The following LRMDA variants were observed in gnomAD, a reference collection of about 807,000 sequenced individuals.
LRMDA encodes the protein leucine-rich melanocyte differentiation-associated protein.
In LRMDA, 18 loss-of-function variants were observed where a neutral mutation model predicts 29.8. The observed-to-expected ratio is 0.60, with a 90% confidence interval of 0.42 to 0.90. The LOEUF is 0.90. LRMDA is among the 40% of genes least tolerant of loss of function. LRMDA has a pLI of 0.00. For missense variants in LRMDA, 273 were observed against 273.9 expected, an observed-to-expected ratio of 1.00 and a Z score of 0.02; for synonymous variants, 125 against 109.4, an observed-to-expected ratio of 1.14 and a Z score of -0.89.
chr10:75,526,689 TA>T (rs1191902809), intron 2 of LRMDA, among the ~76,000 whole-genome samples: 1 of 150,998 alleles, frequency 6.6e-6, no homozygotes, highest in Non-Finnish European at 1.5e-5. Flanking sequence ...TCCATTTCTC[TA>T]AAAAAAAATT....
At chr10:75,884,245 TTGTGTGTGTGTGTGTGTGTG>T (rs57507869) in intron 2 of LRMDA, among the ~76,000 whole-genome samples, 1 of 109,508 alleles carries the variant, frequency 9.1e-6, no homozygotes, top group Non-Finnish European at 1.9e-5. Flanking sequence ...GCAGGCGACT[TTGTGTGTGTGTGTGTGTGTG>T]TGTGTGTGTG....
At chr10:75,818,575 C>T (rs1844099893) in intron 2 of LRMDA, among the ~76,000 whole-genome samples, 1 of 152,198 alleles carries the variant, frequency 6.6e-6, no homozygotes, top group South Asian at 2.1e-4. Context: ...GCCTTCTTCT[C>T]CAGAGGTGCC....
At chr10:76,013,720 C>T (rs1332575183) in intron 2 of LRMDA, among the ~76,000 whole-genome samples, 1 of 151,976 alleles carries the variant, frequency 6.6e-6, no homozygotes, top group African/African-American at 2.4e-5. Context: ...GCCACACCAC[C>T]CATCTTAGAA....
intron 2 of LRMDA, among the ~76,000 whole-genome samples, chr10:75,935,036 C>T (rs1846264895): frequency 6.6e-6 from 1 of 152,082 alleles, no homozygotes; most frequent in African/African-American, 2.4e-5. Flanking sequence ...TCCAGCTTCT[C>T]TCTTGGTTTG....
Position 76,531,845 on chromosome 10 carries a change from T to C in LRMDA, c.602-25364T>C, listed in dbSNP as rs111662529. ...CTTCAATTTTCTGGAAAAGTGTGTG[T>C]AGAATTGCTATCATTCTTTATTAAG... On this transcript the variant is annotated intron_variant, in intron 6 of 6. Coordinates refer to ENST00000611255, the MANE Select transcript of LRMDA (RefSeq NM_001305581.2). 2.4e-3 allele frequency among the ~76,000 whole-genome samples: 370 copies of C among 152,324 alleles called. 2 individuals are homozygous for C. Among genetic ancestry groups the C allele is most frequent in the Non-Finnish European group, 4.2e-3 (286 of 68,028 alleles).
chr10:76,053,203 T>TGTACTTTA (rs1848558410), intron 4 of LRMDA, among the ~76,000 whole-genome samples: 1 of 152,190 alleles, frequency 6.6e-6, no homozygotes, highest in African/African-American at 2.4e-5. Flanking sequence ...GCCCTTTTGT[T>TGTACTTTA]GTACTTTACC....
chr10:75,544,175 A>G (rs12246368), intron 2 of LRMDA, among the ~76,000 whole-genome samples: 2,115 of 152,278 alleles, frequency 0.014, 38 homozygotes, highest in African/African-American at 0.043. Context: ...TGGTGAACCT[A>G]CGAGAAAAGA....
At chr10:76,458,075 G>A (rs577311614) in intron 6 of LRMDA, among the ~76,000 whole-genome samples, 10 of 148,316 alleles carry the variant, frequency 6.7e-5, no homozygotes, top group Non-Finnish European at 1.3e-4. Flanking sequence ...CATTTTTTAG[G>A]CCATTTCACT....
At chr10:75,795,788 C>A (rs1429456072) in intron 2 of LRMDA, among the ~76,000 whole-genome samples, 3 of 152,068 alleles carry the variant, frequency 2.0e-5, no homozygotes, top group South Asian at 2.1e-4. Context: ...ATTAAAAAAG[C>A]CTGTGGGGTT....
chr10:75,924,433 A>G (rs549519422), intron 2 of LRMDA, among the ~76,000 whole-genome samples: 7 of 152,336 alleles, frequency 4.6e-5, no homozygotes, highest in South Asian at 4.1e-4. Flanking sequence ...AAGTGCTTTT[A>G]AAGTTAAAAC....
chr10:76,340,193 T>C (rs373255919), intron 6 of LRMDA, among the ~76,000 whole-genome samples: 41 of 152,150 alleles, frequency 2.7e-4, no homozygotes, highest in African/African-American at 9.6e-4. Context: ...AAAATGGGAT[T>C]ATATATAAGG....
intron 2 of LRMDA, among the ~76,000 whole-genome samples, chr10:75,672,727 T>G (rs377032473): frequency 1.3e-5 from 2 of 149,612 alleles, no homozygotes; most frequent in East Asian, 2.0e-4. Flanking sequence ...TACAGGCAGG[T>G]GCCACAGCTA....
chr10:75,675,038 G>A (rs1841943379), intron 2 of LRMDA, among the ~76,000 whole-genome samples: 1 of 152,198 alleles, frequency 6.6e-6, no homozygotes, highest in Non-Finnish European at 1.5e-5. Context: ...TGGTTGGGTT[G>A]CAGGTCTGTG....
intron 2 of LRMDA, among the ~76,000 whole-genome samples, chr10:75,746,350 C>T (rs558756619): frequency 2.0e-5 from 3 of 152,322 alleles, no homozygotes; most frequent in Non-Finnish European, 2.9e-5. Flanking sequence ...GTTCACTGCA[C>T]TTAAGGGGTA....
At chr10:76,084,666 G>A (rs1471934573) in intron 5 of LRMDA, among the ~76,000 whole-genome samples, 1 of 152,092 alleles carries the variant, frequency 6.6e-6, no homozygotes, top group Non-Finnish European at 1.5e-5. Context: ...TATGTTGAAG[G>A]TTAAAAATGA....
At chr10:75,750,209 C>A (rs928915809) in intron 2 of LRMDA, among the ~76,000 whole-genome samples, 1 of 149,710 alleles carries the variant, frequency 6.7e-6, no homozygotes, top group Admixed American at 6.6e-5. Flanking sequence ...GGTGGTCGGG[C>A]AGAGGCGCCC....
intron 6 of LRMDA, among the ~76,000 whole-genome samples, chr10:76,544,452 A>G (rs899965995): frequency 5.3e-5 from 8 of 152,126 alleles, no homozygotes; most frequent in African/African-American, 1.9e-4. Flanking sequence ...GGGGCATTCT[A>G]TTGATAGGCA....
rs367745299 is a variant in LRMDA at position 76,271,264 on chromosome 10, T to C, written c.517-53137T>C. ...TTCTACAAAAAGTACAAAAATTAGC[T>C]GGGTGTGGTGGCATGCACCTGTAAT... On this transcript the variant is annotated intron_variant, in intron 5 of 6. Transcript: ENST00000611255. Among the ~76,000 whole-genome samples, 83 of 152,156 alleles carry C rather than the reference T, an allele frequency of 5.5e-4. No homozygotes were observed. In the South Asian group the frequency reaches 0.016, roughly 30 times the overall value.
chr10:75,888,571 TAAG>T (rs1215495049), intron 2 of LRMDA, among the ~76,000 whole-genome samples: 1 of 152,192 alleles, frequency 6.6e-6, no homozygotes, highest in East Asian at 1.9e-4. Context: ...TTAGCTTCTG[TAAG>T]AAGAAGGAGA....
Sources: gnomAD v4.1 joint callset for allele counts (sites outside exome capture counted in the v4.1 genomes callset) on GRCh38, gnomAD v4.1.1 for gene constraint, MANE v1.5 for transcripts, NCBI Gene and HGNC (gene_info 2026-07-23, HGNC 2026-07-21) for gene names.